The following DLG2 variants were observed in gnomAD, a reference collection of about 807,000 sequenced individuals.
DLG2 encodes disks large homolog 2.
Under a neutral mutation model 132.5 loss-of-function variants are expected in DLG2, and 45 were observed. The ratio of observed to expected loss-of-function variants is 0.34; its 90% CI spans 0.27 to 0.44. The LOEUF (loss-of-function observed/expected upper bound fraction) is 0.44. Ranked by LOEUF, DLG2 falls within the 20% of genes least tolerant of loss-of-function variation. DLG2 has a pLI of 1.00. For missense variants in DLG2, 1,045 were observed against 1,196.9 expected (o/e 0.87, Z 1.87); for synonymous variants, 424 against 419.6 (o/e 1.01, Z -0.13).
At chr11:83,880,830 C>T (rs1300807013) in intron 15 of DLG2, among the ~76,000 whole-genome samples, 2 of 152,172 alleles carry the variant, frequency 1.3e-5, no homozygotes, top group Non-Finnish European at 2.9e-5. Context: ...GTTCTTCCTT[C>T]TCTTGGCGTG....
chr11:84,502,338 CTTTCTTTCTTTCT>C lies in DLG2; in HGVS notation c.519+32219_519+32231del, dbSNP rs2099218567. Among the ~76,000 whole-genome samples, 2 of 31,296 alleles carry C rather than the reference CTTTCTTTCTTTCT, an allele frequency of 6.4e-5. 1 individual carries two copies. The highest frequency in any genetic ancestry group is 7.1e-4 in the Admixed American group (2 of 2,810). 20.5% of individuals were successfully genotyped at this position (31,296 alleles called of 152,430 possible). A position where few individuals can be genotyped will look rare whatever the true frequency, so the allele number is the denominator to read the frequency against. On this transcript the variant is annotated intron_variant, in intron 7 of 27. Coordinates refer to ENST00000376104, the MANE Select transcript of DLG2 (RefSeq NM_001142699.3). Reference sequence around the variant, plus strand: ...TCTTTCTTTCTTTCTTTCTTTCTTTCTTTCTTTCTTTCTTTCTTTCTTTCTTTCTTTCTTTCTT... The same window carrying C: ...TCTTTCTTTCTTTCTTTCTTTCTTTCTTCTTTCTTTCTTTCTTTCTTTCTT...
intron 6 of DLG2, among the ~76,000 whole-genome samples, chr11:84,951,568 T>C (rs1175549389): frequency 6.6e-6 from 1 of 151,362 alleles, no homozygotes; most frequent in African/African-American, 2.4e-5. Context: ...AGTCCTCATA[T>C]GTACATGGCT....
chr11:84,122,844 CA>C (rs1270001165), intron 9 of DLG2, among the ~76,000 whole-genome samples: 1 of 152,022 alleles, frequency 6.6e-6, no homozygotes, highest in Non-Finnish European at 1.5e-5. Context: ...CATAGACACA[CA>C]CACGCACCCC....
At chr11:84,691,961 A>G (rs1042219524) in intron 6 of DLG2, among the ~76,000 whole-genome samples, 7 of 151,848 alleles carry the variant, frequency 4.6e-5, no homozygotes, top group African/African-American at 1.7e-4. Context: ...TGAACATGCC[A>G]TTCTCCACAT....
At chr11:85,003,662 A>G (rs2058399740) in intron 6 of DLG2, among the ~76,000 whole-genome samples, 1 of 152,100 alleles carries the variant, frequency 6.6e-6, no homozygotes, top group Admixed American at 6.6e-5. Context: ...TCAACAGATG[A>G]TTTTTGCCAT....
chr11:85,416,501 G>C (rs932720630), intron 3 of DLG2, among the ~76,000 whole-genome samples: 17 of 152,024 alleles, frequency 1.1e-4, no homozygotes, highest in Non-Finnish European at 2.1e-4. Flanking sequence ...AGCTTGATGG[G>C]GATAGCATTG....
At chr11:84,841,869 G>T (rs569201199) in intron 6 of DLG2, among the ~76,000 whole-genome samples, 1 of 151,810 alleles carries the variant, frequency 6.6e-6, no homozygotes, top group East Asian at 1.9e-4. Context: ...TTCCTCTACA[G>T]GTTTCTAAAT....
intron 6 of DLG2, among the ~76,000 whole-genome samples, chr11:84,636,976 C>T (rs117498255): frequency 0.02 from 3,034 of 151,548 alleles, 37 homozygotes; most frequent in South Asian, 0.043. Context: ...TTAGTAGAGA[C>T]GGGTCTTCGC....
chr11:85,265,860 A>G (rs1001626146), intron 4 of DLG2, among the ~76,000 whole-genome samples: 1 of 152,136 alleles, frequency 6.6e-6, no homozygotes, highest in Admixed American at 6.5e-5. Flanking sequence ...TGCCATTCCC[A>G]TTCCCTTTCC....
chr11:83,844,817 C>G (rs1309995858), intron 16 of DLG2, among the ~76,000 whole-genome samples: 2 of 152,032 alleles, frequency 1.3e-5, no homozygotes, highest in African/African-American at 4.8e-5. Context: ...CTCATCTGGC[C>G]ATCCTAGCTC....
intron 3 of DLG2, among the ~76,000 whole-genome samples, chr11:85,552,869 G>T (rs540200025): frequency 6.6e-6 from 1 of 151,420 alleles, no homozygotes; most frequent in East Asian, 1.9e-4. Flanking sequence ...AGAGAAAATC[G>T]CTAAGAATTT....
At chr11:85,308,091 T>C (rs1284136102) in intron 3 of DLG2, among the ~76,000 whole-genome samples, 2 of 151,396 alleles carry the variant, frequency 1.3e-5, no homozygotes, top group Non-Finnish European at 2.9e-5. Context: ...GAGGCAGAGG[T>C]TGTAGTGAGC....
intron 11 of DLG2, among the ~76,000 whole-genome samples, chr11:84,047,268 T>C (rs188048278): frequency 4.6e-5 from 7 of 151,646 alleles, no homozygotes; most frequent in Admixed American, 2.6e-4. Context: ...ATTGAGTGAA[T>C]AGATGATTGT....
At chr11:83,686,464 T>C (rs2079792033) in intron 18 of DLG2, among the ~76,000 whole-genome samples, 1 of 152,182 alleles carries the variant, frequency 6.6e-6, no homozygotes, top group Admixed American at 6.5e-5. Flanking sequence ...TTTGCTCCTC[T>C]ACCCAACTAG....
intron 19 of DLG2, among the ~76,000 whole-genome samples, chr11:83,613,983 A>C (rs1289124309): frequency 6.6e-6 from 1 of 151,702 alleles, no homozygotes; most frequent in Non-Finnish European, 1.5e-5. Flanking sequence ...AGATACAATG[A>C]GATAAAGCAG....
chr11:84,345,632 C>T (rs1485065735), intron 7 of DLG2, among the ~76,000 whole-genome samples: 1 of 152,016 alleles, frequency 6.6e-6, no homozygotes, highest in Non-Finnish European at 1.5e-5. Context: ...ATCTATGTTT[C>T]TTTTCTTTTC....
intron 18 of DLG2, among the ~76,000 whole-genome samples, chr11:83,772,455 A>G (rs1594090583): frequency 9.0e-6 from 1 of 111,510 alleles, no homozygotes; most frequent in Admixed American, 1.1e-4. Context: ...AGAAGGAGGG[A>G]GGGAGGGAGG....
intron 16 of DLG2, among the ~76,000 whole-genome samples, chr11:83,872,362 C>G (rs2063635274): frequency 6.6e-6 from 1 of 152,078 alleles, no homozygotes; most frequent in South Asian, 2.1e-4. Flanking sequence ...ATGGTAGAGG[C>G]CAGGACTCAA....
chr11:84,603,398 C>T (rs1030214860), intron 6 of DLG2, among the ~76,000 whole-genome samples: 3 of 151,852 alleles, frequency 2.0e-5, no homozygotes, highest in Admixed American at 1.3e-4. Flanking sequence ...TTGAATATGA[C>T]CTAGAGCAAG....
Sources: allele counts gnomAD v4.1 joint callset (sites outside exome capture counted in the v4.1 genomes callset), GRCh38; gene constraint gnomAD v4.1.1; transcripts MANE v1.5; gene names NCBI Gene and HGNC (gene_info 2026-07-23, HGNC 2026-07-21).